Variants in EDEM2 observed in about 807,000 individuals in gnomAD.
EDEM2 encodes the protein ER degradation-enhancing alpha-mannosidase-like protein 2.
In EDEM2, 39 loss-of-function variants were observed where a neutral mutation model predicts 64.8. That is an observed-to-expected ratio of 0.60 (90% CI 0.47 to 0.79). EDEM2 has a LOEUF of 0.79. Among genes scored for constraint, EDEM2 ranks in the 30% least tolerant of loss-of-function variants. The pLI is 0.00. For synonymous variants in EDEM2, 296 were observed against 291.5 expected, an observed-to-expected ratio of 1.02 and a Z score of -0.16; for missense variants, 609 against 731.3, an observed-to-expected ratio of 0.83 and a Z score of 1.93.
At chr20:35,115,988 G>A in intron 10 of EDEM2, 55 bp from the exon 11 acceptor site, 2 of 1,575,840 alleles carry the variant, frequency 1.3e-6, no homozygotes, top group African/African-American at 1.3e-5. Context: ...TAGTAGTAAG[G>A]GTCAGGCAAT....
chr20:35,137,699 G>C (rs1172170895), intron 5 of EDEM2, among the ~76,000 whole-genome samples, 181 bp downstream of exon 5: 1 of 152,226 alleles, frequency 6.6e-6, no homozygotes, highest in Non-Finnish European at 1.5e-5. Flanking sequence ...CAGGGCCCCA[G>C]CAGGCCCTTA....
At chr20:35,144,333 T>C (rs1437629849) in intron 3 of EDEM2, among the ~76,000 whole-genome samples, 1 of 151,976 alleles carries the variant, frequency 6.6e-6, no homozygotes, top group Admixed American at 6.6e-5. Context: ...CTGATATTAT[T>C]TCTTTATAAT....
At chr20:35,140,416 G>A (rs1336704312) in intron 4 of EDEM2, among the ~76,000 whole-genome samples, 1 of 152,076 alleles carries the variant, frequency 6.6e-6, no homozygotes, top group Non-Finnish European at 1.5e-5. Flanking sequence ...CCCAGGAGGT[G>A]GAGGTGAGCC....
Position 35,135,181 on chromosome 20 carries a change from G to C in EDEM2, c.491-232C>G, listed in dbSNP as rs543001306. On this transcript the variant is annotated intron_variant, in intron 5 of 10. Transcript: ENST00000374492. ...AACCTTGGGTTCCTGCTCATCATGA[G>C]GGGGCAGGGAGCAGGCTGTGCTCCA... is the stretch of plus-strand genomic sequence containing the variant. Among the ~76,000 whole-genome samples, 9 of 152,292 alleles carry C rather than the reference G, an allele frequency of 5.9e-5. No homozygotes were observed. In the East Asian group the frequency reaches 1.4e-3, roughly 23 times the overall value.
chr20:35,137,112 T>G (rs1600714248), intron 5 of EDEM2, among the ~76,000 whole-genome samples: 1 of 152,066 alleles, frequency 6.6e-6, no homozygotes, highest in Non-Finnish European at 1.5e-5. Flanking sequence ...ATTTGATAGA[T>G]GGGGAAACCA....
intron 3 of EDEM2, 80 bp from the exon 4 acceptor site, chr20:35,142,558 G>T: frequency 9.3e-7 from 1 of 1,070,554 alleles, no homozygotes; most frequent in Non-Finnish European, 1.4e-6. Context: ...CTATGTTGAT[G>T]TGGCCCTCAC....
At position 35,147,289 on chromosome 20, in the gene EDEM2, C is replaced by T. The variant is rs114063501; in HGVS notation, c.-31G>A. 9,767 of 1,474,266 alleles carry T rather than the reference C, an allele frequency of 6.6e-3. 173 individuals are homozygous for T. Among genetic ancestry groups the T allele is most frequent in the African/African-American group, 0.059 (4,143 of 70,378 alleles). The allele number at this position is 1,474,266 out of a possible 1,614,324, so 91.3% of individuals were successfully genotyped here. The stretch of plus-strand genomic sequence containing the variant: ...TCGTGTCCTCTCAGCGCCCCCGCAG[C>T]AGCAGCAGCCACTGCAACCAGTTCA... On this transcript the variant is annotated 5_prime_UTR_variant, in exon 1 of 11. Coordinates refer to ENST00000374492, the MANE Select transcript of EDEM2 (RefSeq NM_018217.3).
chr20:35,121,252 C>T (rs1361100979), intron 9 of EDEM2, among the ~76,000 whole-genome samples: 1 of 152,152 alleles, frequency 6.6e-6, no homozygotes, highest in Non-Finnish European at 1.5e-5. Flanking sequence ...TGCAACTAGA[C>T]AGCCCTATCT....
At chr20:35,146,958 G>A in intron 1 of EDEM2, 23 bp from the exon 2 acceptor site, 1 of 1,607,074 alleles carries the variant, frequency 6.2e-7, no homozygotes, top group Non-Finnish European at 8.5e-7. Flanking sequence ...CGAGAAATCA[G>A]GCATGGGGCA....
chr20:35,126,359 G>C lies in EDEM2; in HGVS notation c.861C>G (p.Ile287Met), dbSNP rs1243030956. The C allele has an allele frequency of 1.2e-6, 2 of 1,613,908 alleles. No homozygotes were observed. Among genetic ancestry groups the C allele is most frequent in the Non-Finnish European group, 1.7e-6 (2 of 1,180,018 alleles). ...AGTCATCGAAGCGGGTGTAGTTCCG[G>C]ATGGCTTTGTTATACTCTGCAGTGG... ...MAMFLEYNKA[I>M]RNYTRFDDWY... is the part of the protein sequence containing the mutation. Residue 287 changes from isoleucine to methionine, a missense_variant, in exon 8 of 11, where the codon ATC becomes ATG. Transcript: ENST00000374492.
intron 9 of EDEM2, 43 bp downstream of exon 9, chr20:35,123,847 A>C (rs201418617): frequency 1.0e-5 from 16 of 1,604,692 alleles, no homozygotes; most frequent in Non-Finnish European, 1.4e-5. Flanking sequence ...GGTTTCAGCA[A>C]CCAGAGCCTG....
chr20:35,116,130 G>C (rs2085307082), intron 10 of EDEM2, among the ~76,000 whole-genome samples, 197 bp from the exon 11 acceptor site: 2 of 152,044 alleles, frequency 1.3e-5, no homozygotes, highest in South Asian at 4.1e-4. Flanking sequence ...TTCCAAATGG[G>C]CTCCCAGCTT....
chr20:35,146,002 C>CAAAAAAAAAAAAAA (rs138113879), intron 2 of EDEM2, among the ~76,000 whole-genome samples: 1 of 82,818 alleles, frequency 1.2e-5, no homozygotes, highest in Non-Finnish European at 2.4e-5. Flanking sequence ...AACTCCATCT[C>CAAAAAAAAAAAAAA]AAAAAAAAAA....
intron 6 of EDEM2, among the ~76,000 whole-genome samples, chr20:35,132,842 A>G (rs1436136627): frequency 6.6e-6 from 1 of 151,952 alleles, no homozygotes; most frequent in Non-Finnish European, 1.5e-5. Context: ...CCAGCCAAAT[A>G]TATGTATTTT....
Position 35,115,672 on chromosome 20 carries a change from C to T in EDEM2, c.1498G>A (p.Asp500Asn). The T allele has an allele frequency of 6.2e-7, 1 of 1,614,226 alleles. No individual in the cohort carries two copies. Among genetic ancestry groups the T allele is most frequent in the African/African-American group, 1.3e-5 (1 of 75,060 alleles). The change falls in exon 11 of 11, where the codon GAC becomes AAC. Residue 500 changes from aspartate (D) to asparagine (N), a missense_variant. Coordinates refer to ENST00000374492, the MANE Select transcript of EDEM2 (RefSeq NM_018217.3). ...RLKEEQWEVE[D>N]LMREFYSLKR... ...AGAGAGTAGAATTCCCTCATCAAGT[C>T]CTCCACCTCCCACTGCTCTTCCTTC...
Position 35,118,698 on chromosome 20 carries a change from T to C in EDEM2, c.1136A>G (p.Tyr379Cys). The C allele has an allele frequency of 1.2e-6, 2 of 1,612,648 alleles. No homozygotes were observed. The highest frequency in any genetic ancestry group is 4.5e-5 in the East Asian group (2 of 44,886). The change falls in exon 10 of 11, where the codon TAC becomes TGC. Residue 379 changes from tyrosine to cysteine, a missense_variant. Transcript: ENST00000374492. ...GGGATCCCCCGTGGCACGGTAGAGG[T>C]ACATTGCGCTTTCAATAAGTTCTGC... ...LRPELIESAM[Y>C]LYRATGDPTL... is the part of the protein sequence containing the mutation.
At chr20:35,146,716 C>T in intron 2 of EDEM2, 109 bp downstream of exon 2, 1 of 1,210,970 alleles carries the variant, frequency 8.3e-7, no homozygotes, top group Non-Finnish European at 1.2e-6. Flanking sequence ...CAGCTGGGAG[C>T]TTTCTGGTGC....
intron 7 of EDEM2, among the ~76,000 whole-genome samples, chr20:35,130,554 G>A (rs1330267016): frequency 1.3e-5 from 2 of 151,852 alleles, no homozygotes; most frequent in Non-Finnish European, 2.9e-5. Context: ...TTTAGAGAGG[G>A]GGTCTTACTA....
At position 35,128,222 on chromosome 20, in the gene EDEM2, A is replaced by T. The variant is rs560380584; in HGVS notation, c.845-1847T>A. 1.1e-4 allele frequency among the ~76,000 whole-genome samples: 16 copies of T among 152,080 alleles called. No homozygotes were observed. The South Asian group carries it at 3.1e-3, about 30-fold the overall frequency. Reference sequence around the variant, plus strand: ...ACGGTGAAACCCCATCTCTACTAAAAATACAAAAAAATTAGCTGGGTGTGG... The same window carrying T: ...ACGGTGAAACCCCATCTCTACTAAATATACAAAAAAATTAGCTGGGTGTGG... On this transcript the variant is annotated intron_variant, in intron 7 of 10. Coordinates refer to ENST00000374492, the MANE Select transcript of EDEM2 (RefSeq NM_018217.3).
Sources: gnomAD v4.1 joint callset for allele counts (sites outside exome capture counted in the v4.1 genomes callset) on GRCh38, gnomAD v4.1.1 for gene constraint, MANE v1.5 for transcripts, NCBI Gene and HGNC (gene_info 2026-07-23, HGNC 2026-07-21) for gene names.